The following SCN10A variants were observed in gnomAD, a reference collection of about 807,000 sequenced individuals.
SCN10A encodes the protein sodium voltage-gated channel alpha subunit 10, also known as sodium channel protein type 10 subunit alpha.
In SCN10A, 162 loss-of-function variants were observed where a neutral mutation model predicts 170.7. The observed-to-expected ratio is 0.95, with a 90% CI of 0.84 to 1.08. SCN10A has a LOEUF of 1.08. SCN10A is among the 50% of genes least tolerant of loss of function. The probability of loss-of-function intolerance (pLI) is 0.00; values close to 1 mark genes in which losing one functional copy is unlikely to be tolerated. For missense variants in SCN10A, 2,527 were observed against 2,436.9 expected, an observed-to-expected ratio of 1.04 and a Z score of -0.78; for synonymous variants, 985 against 904.6, an observed-to-expected ratio of 1.09 and a Z score of -1.59.
At chr3:38,702,623 A>G (rs1342877451) in intron 26 of SCN10A, among the ~76,000 whole-genome samples, 1 of 152,266 alleles carries the variant, frequency 6.6e-6, no homozygotes, top group Non-Finnish European at 1.5e-5. Flanking sequence ...TGCCCTGCAC[A>G]TTGCAAGAGT....
intron 4 of SCN10A, among the ~76,000 whole-genome samples, chr3:38,773,843 GT>G (rs1210323292): frequency 6.6e-6 from 1 of 151,970 alleles, no homozygotes; most frequent in Non-Finnish European, 1.5e-5. Flanking sequence ...GTGGCCTTAA[GT>G]TTTTTCTCAT....
intron 4 of SCN10A, among the ~76,000 whole-genome samples, chr3:38,781,400 C>T (rs755059022): frequency 1.3e-5 from 2 of 152,116 alleles, no homozygotes; most frequent in South Asian, 4.1e-4. Context: ...GCAAGGCCTG[C>T]AGCTGGCATT....
intron 17 of SCN10A, among the ~76,000 whole-genome samples, chr3:38,725,573 T>C (rs2063445944): frequency 6.6e-6 from 1 of 152,290 alleles, no homozygotes; most frequent in Admixed American, 6.5e-5. Context: ...AATCTTCATT[T>C]TTCCCAGCTT....
At chr3:38,770,566 C>T (rs2063986825) in intron 5 of SCN10A, among the ~76,000 whole-genome samples, 1 of 152,062 alleles carries the variant, frequency 6.6e-6, no homozygotes, top group Non-Finnish European at 1.5e-5. Context: ...ACCTAGCTCT[C>T]ATGTAGTTGG....
At chr3:38,748,740 A>G (rs1017862000) in intron 13 of SCN10A, among the ~76,000 whole-genome samples, 1 of 152,140 alleles carries the variant, frequency 6.6e-6, no homozygotes, top group African/African-American at 2.4e-5. Flanking sequence ...GCTCTCTCTG[A>G]GGCTGCTTCA....
chr3:38,755,072 A>T (rs2063789102), intron 11 of SCN10A, among the ~76,000 whole-genome samples: 1 of 152,070 alleles, frequency 6.6e-6, no homozygotes, highest in South Asian at 2.1e-4. Context: ...GGGGAAAAGA[A>T]TTGCTACAGG....
At chr3:38,716,815 G>A (rs1309318035) in intron 21 of SCN10A, among the ~76,000 whole-genome samples, 1 of 152,028 alleles carries the variant, frequency 6.6e-6, no homozygotes, top group African/African-American at 2.4e-5. Flanking sequence ...ATGGAAAGAT[G>A]GGGAGCTGGA....
chr3:38,809,422 C>A (rs2064425405), intron 1 of SCN10A, among the ~76,000 whole-genome samples: 2 of 152,194 alleles, frequency 1.3e-5, no homozygotes, highest in African/African-American at 4.8e-5. Context: ...CTGGAAGTGC[C>A]AGCGGAGCTG....
chr3:38,801,334 T>C (rs1027194383), intron 1 of SCN10A, among the ~76,000 whole-genome samples: 8 of 152,164 alleles, frequency 5.3e-5, no homozygotes, highest in Admixed American at 4.6e-4. Flanking sequence ...ATTATCCCTT[T>C]TTGTCTCCAC....
At chr3:38,781,591 A>T (rs2126050005) in intron 4 of SCN10A, among the ~76,000 whole-genome samples, 1 of 152,220 alleles carries the variant, frequency 6.6e-6, no homozygotes, top group East Asian at 1.9e-4. Flanking sequence ...TTGCAGGTGA[A>T]ACACTTCCAT....
rs2063465452 is a variant in SCN10A at position 38,727,058 on chromosome 3, G to A, written c.2641-6C>T. The A allele has an allele frequency of 1.3e-6, 2 of 1,597,702 alleles. No homozygotes were observed. Among genetic ancestry groups the A allele is most frequent in the Middle Eastern group, 1.7e-4 (1 of 6,022 alleles). ...GCGATGAACAGGTTAAGCACCTGAA[G>A]AGAAGGAATGGAAGGGAAGATTGAT... On this transcript the variant is annotated splice_region_variant and splice_polypyrimidine_tract_variant and intron_variant, in intron 16 of 27. Transcript: ENST00000449082.
intron 26 of SCN10A, among the ~76,000 whole-genome samples, chr3:38,706,255 T>TA (rs1162941575): frequency 4.6e-5 from 7 of 152,330 alleles, no homozygotes; most frequent in African/African-American, 1.4e-4. Context: ...TACCTTGATT[T>TA]AAAAAAATCT....
chr3:38,767,996 CTT>C (rs1164580123), intron 5 of SCN10A, among the ~76,000 whole-genome samples: 1 of 151,950 alleles, frequency 6.6e-6, no homozygotes, highest in East Asian at 1.9e-4. Context: ...ATATGTCCCT[CTT>C]TGTCTTTTTT....
At chr3:38,742,204 G>GC in intron 14 of SCN10A, 87 bp downstream of exon 14, 1 of 876,380 alleles carries the variant, frequency 1.1e-6, no homozygotes, top group Admixed American at 1.9e-5. Flanking sequence ...ATAAGGGCAT[G>GC]CCCCACCCCA....
intron 16 of SCN10A, 82 bp downstream of exon 16, chr3:38,728,460 G>T (rs1194574886): frequency 5.7e-6 from 8 of 1,407,268 alleles, no homozygotes; most frequent in Non-Finnish European, 4.8e-6. Context: ...GCATAAAAAT[G>T]CAGATCAAAG....
At chr3:38,731,076 C>G (rs1463336465) in intron 15 of SCN10A, among the ~76,000 whole-genome samples, 1 of 152,148 alleles carries the variant, frequency 6.6e-6, no homozygotes, top group Non-Finnish European at 1.5e-5. Flanking sequence ...TACAGTGAAA[C>G]TGCAGAACAC....
At position 38,697,539 on chromosome 3, in the gene SCN10A, A is replaced by G. The variant is rs1386947593; in HGVS notation, c.5681T>C (p.Phe1894Ser). The G allele has an allele frequency of 5.0e-6, 8 of 1,614,194 alleles. No homozygotes were observed. The highest frequency in any genetic ancestry group is 6.8e-6 in the Non-Finnish European group (8 of 1,180,034). ...ATTTTCATTTGCTGTGAATGCAACA[A>G]AACCTTCATCTGGGAGTGATGCAGC... Reference protein sequence around the residue: ...EEAASLPDEGFVAFTANENCV... With the variant: ...EEAASLPDEGSVAFTANENCV... Residue 1894 changes from phenylalanine to serine, a missense_variant, in exon 28 of 28, where the codon TTT (phenylalanine) becomes TCT (serine). Transcript: ENST00000449082.
intron 3 of SCN10A, among the ~76,000 whole-genome samples, chr3:38,790,681 T>C (rs926601677): frequency 2.6e-5 from 4 of 152,078 alleles, no homozygotes; most frequent in African/African-American, 9.7e-5. Context: ...TCACTGTAGA[T>C]ACTGCTCTAC....
intron 1 of SCN10A, among the ~76,000 whole-genome samples, chr3:38,803,986 T>G (rs2126065105): frequency 6.6e-6 from 1 of 152,218 alleles, no homozygotes; most frequent in African/African-American, 2.4e-5. Context: ...CATCAGCTCT[T>G]GATTGGACTG....
Sources: allele counts gnomAD v4.1 joint callset (sites outside exome capture counted in the v4.1 genomes callset), GRCh38; gene constraint gnomAD v4.1.1; transcripts MANE v1.5; gene names NCBI Gene and HGNC (gene_info 2026-07-23, HGNC 2026-07-21).